The following TMPRSS11D variants were observed in gnomAD, a reference collection of about 807,000 sequenced individuals.
TMPRSS11D encodes transmembrane protease serine 11D.
In TMPRSS11D, 32 loss-of-function variants were observed where a neutral mutation model predicts 44.4. The ratio of observed to expected loss-of-function variants is 0.72; its 90% CI spans 0.54 to 0.97. TMPRSS11D has a LOEUF of 0.97. Among genes scored for constraint, TMPRSS11D ranks in the 50% least tolerant of loss-of-function variants. The pLI is 0.00. For missense variants in TMPRSS11D, 446 were observed against 502.6 expected (o/e 0.89, Z 1.08); for synonymous variants, 179 against 177.9 (o/e 1.01, Z -0.05).
intron 3 of TMPRSS11D, among the ~76,000 whole-genome samples, chr4:67,850,596 C>A (rs780870007): frequency 6.6e-6 from 1 of 152,098 alleles, no homozygotes; most frequent in Non-Finnish European, 1.5e-5. Context: ...AGCAAGGGCT[C>A]GGTGCCAGCT....
intron 1 of TMPRSS11D, among the ~76,000 whole-genome samples, chr4:67,876,109 G>C (rs1392114057): frequency 6.6e-6 from 1 of 152,040 alleles, no homozygotes; most frequent in East Asian, 1.9e-4. Context: ...GTCCTGTCCA[G>C]GGGCCTGTGT....
chr4:67,866,326 G>C (rs181499141), intron 1 of TMPRSS11D, among the ~76,000 whole-genome samples: 191 of 151,886 alleles, frequency 1.3e-3, no homozygotes, highest in African/African-American at 4.4e-3. Context: ...TTACAAACTA[G>C]GCATAAAGGG....
intron 3 of TMPRSS11D, among the ~76,000 whole-genome samples, chr4:67,851,484 G>T (rs1424977778): frequency 6.6e-6 from 1 of 152,144 alleles, no homozygotes; most frequent in African/African-American, 2.4e-5. Context: ...CTGGTGCTTT[G>T]CTGTCCTCCA....
rs1718746674 is a variant in TMPRSS11D at position 67,859,637 on chromosome 4, T to G, written c.50A>C (p.Tyr17Ser). The change falls in exon 2 of 10, where the codon TAT (tyrosine) becomes TCT (serine). Residue 17 changes from tyrosine (Y) to serine (S), a missense_variant. Physicochemically the swap from Tyr to Ser is moderately radical, Grantham distance 144 (BLOSUM62 -2). Coordinates refer to ENST00000283916, the MANE Select transcript of TMPRSS11D (RefSeq NM_004262.3). Reference sequence around the variant, plus strand: ...TGCGACGACAATGAAACATACTACATATGGATTCAGAAATCTTGAAGTCGA... The same window carrying G: ...TGCGACGACAATGAAACATACTACAGATGGATTCAGAAATCTTGAAGTCGA... ...VTSTSRFLNP[Y>S]VVCFIVVAGV... The G allele has an allele frequency of 2.5e-6, 4 of 1,613,126 alleles. No individual in the cohort carries two copies. Among genetic ancestry groups the G allele is most frequent in the Middle Eastern group, 1.7e-4 (1 of 6,054 alleles).
chr4:67,859,315 T>C (rs971697945), intron 2 of TMPRSS11D, among the ~76,000 whole-genome samples: 2 of 151,994 alleles, frequency 1.3e-5, no homozygotes, highest in Admixed American at 6.6e-5. Flanking sequence ...TGAGTAACAA[T>C]GTTTGGTATA....
At chr4:67,873,410 C>A (rs1440305781) in intron 1 of TMPRSS11D, among the ~76,000 whole-genome samples, 1 of 152,154 alleles carries the variant, frequency 6.6e-6, no homozygotes, top group Non-Finnish European at 1.5e-5. Context: ...AAATGTCTTG[C>A]TGTACCCATC....
At chr4:67,856,466 A>G (rs987081504) in intron 2 of TMPRSS11D, among the ~76,000 whole-genome samples, 6 of 152,200 alleles carry the variant, frequency 3.9e-5, no homozygotes, top group Non-Finnish European at 5.9e-5. Flanking sequence ...CTCTCACTAT[A>G]TACACAAATC....
At chr4:67,838,907 C>T (rs1413558192) in intron 4 of TMPRSS11D, 1 of 152,030 alleles carries the variant, frequency 6.6e-6, no homozygotes, top group African/African-American at 2.4e-5. Flanking sequence ...GATTTCATCA[C>T]TCATTTTAAT....
intron 9 of TMPRSS11D, among the ~76,000 whole-genome samples, chr4:67,823,098 A>G (rs1419178244): frequency 2.0e-5 from 3 of 152,164 alleles, no homozygotes; most frequent in Non-Finnish European, 4.4e-5. Flanking sequence ...GAACATACCT[A>G]TTCTGTTCAC....
At chr4:67,849,392 A>C (rs963436626) in intron 3 of TMPRSS11D, among the ~76,000 whole-genome samples, 5 of 152,196 alleles carry the variant, frequency 3.3e-5, no homozygotes, top group Non-Finnish European at 7.3e-5. Context: ...TACAGGTTGA[A>C]GTAATGGGCA....
chr4:67,837,975 T>C, intron 5 of TMPRSS11D, 197 bp downstream of exon 5: 1 of 424,744 alleles, frequency 2.4e-6, no homozygotes, highest in Non-Finnish European at 4.0e-6. Flanking sequence ...ATTTACTATA[T>C]AAATGCCAAA....
At chr4:67,863,719 G>A (rs1398039155) in intron 1 of TMPRSS11D, among the ~76,000 whole-genome samples, 2 of 100,646 alleles carry the variant, frequency 2.0e-5, no homozygotes, top group Non-Finnish European at 4.7e-5. Flanking sequence ...ACTATTTTAA[G>A]CTTCAGATTT....
chr4:67,852,810 A>T (rs1032676321), intron 3 of TMPRSS11D, among the ~76,000 whole-genome samples: 11 of 152,172 alleles, frequency 7.2e-5, no homozygotes, highest in African/African-American at 2.7e-4. Context: ...TTAAGCATCA[A>T]CCCGACCAAA....
intron 4 of TMPRSS11D, among the ~76,000 whole-genome samples, chr4:67,841,558 G>C (rs958593459): frequency 6.6e-6 from 1 of 152,136 alleles, no homozygotes; most frequent in African/African-American, 2.4e-5. Flanking sequence ...ATTGAAGCCA[G>C]GTTGCAGAGG....
intron 5 of TMPRSS11D, 114 bp from the exon 6 acceptor site, chr4:67,835,235 G>A (rs1718048076): frequency 1.0e-6 from 1 of 1,002,628 alleles, no homozygotes; most frequent in Non-Finnish European, 1.5e-6. Flanking sequence ...TGTTGGGGTT[G>A]GGAGGTGGTC....
chr4:67,882,778 T>C (rs1309970776), intron 1 of TMPRSS11D, among the ~76,000 whole-genome samples: 2 of 152,048 alleles, frequency 1.3e-5, no homozygotes, highest in Non-Finnish European at 2.9e-5. Flanking sequence ...ACAAACCTGA[T>C]TAATGTTCTA....
At chr4:67,851,662 C>T (rs1050323862) in intron 3 of TMPRSS11D, among the ~76,000 whole-genome samples, 2 of 152,170 alleles carry the variant, frequency 1.3e-5, no homozygotes, top group African/African-American at 4.8e-5. Context: ...TTCCTTTCCC[C>T]ACTGAATCAC....
chr4:67,870,906 C>T (rs780214588), intron 1 of TMPRSS11D, among the ~76,000 whole-genome samples: 17 of 152,036 alleles, frequency 1.1e-4, no homozygotes, highest in Non-Finnish European at 2.2e-4. Context: ...CTAATATACC[C>T]CACAATTTAC....
intron 5 of TMPRSS11D, among the ~76,000 whole-genome samples, chr4:67,837,801 A>G (rs960794362): frequency 1.4e-5 from 2 of 146,800 alleles, no homozygotes; most frequent in Non-Finnish European, 3.0e-5. Context: ...AAATGTTACA[A>G]AGAAAAATGA....
Sources: gnomAD v4.1 joint callset for allele counts (sites outside exome capture counted in the v4.1 genomes callset) on GRCh38, gnomAD v4.1.1 for gene constraint, MANE v1.5 for transcripts, NCBI Gene and HGNC (gene_info 2026-07-23, HGNC 2026-07-21) for gene names.